Variants in CACNB2 observed in about 807,000 individuals in gnomAD.
The protein encoded by CACNB2 is calcium voltage-gated channel auxiliary subunit beta 2, also known as voltage-dependent L-type calcium channel subunit beta-2.
A neutral mutation model predicts 73.3 loss-of-function variants in CACNB2; 42 were observed. The observed-to-expected ratio is 0.57, with a 90% CI of 0.45 to 0.74. The LOEUF is 0.74. Ranked by LOEUF, CACNB2 falls within the 30% of genes least tolerant of loss-of-function variation. The pLI, the probability that CACNB2 is intolerant of heterozygous loss-of-function variation, is 0.00. For synonymous variants in CACNB2, 348 were observed against 310.3 expected (o/e 1.12, Z -1.28); for missense variants, 940 against 853.0 (o/e 1.10, Z -1.27).
intron 2 of CACNB2, among the ~76,000 whole-genome samples, chr10:18,237,824 A>G (rs1309804791): frequency 6.6e-6 from 1 of 152,214 alleles, no homozygotes; most frequent in African/African-American, 2.4e-5. Context: ...TATACCATAG[A>G]TGGAGTTGAG....
chr10:18,141,293 G>A (rs1156242626), intron 1 of CACNB2: 7 of 1,250,842 alleles, frequency 5.6e-6, no homozygotes, highest in Admixed American at 2.0e-5. Context: ...CACGCTCCGA[G>A]CCGGGGTGGG....
At chr10:18,463,952 C>A (rs926081249) in intron 3 of CACNB2, among the ~76,000 whole-genome samples, 4 of 152,098 alleles carry the variant, frequency 2.6e-5, no homozygotes, top group African/African-American at 7.2e-5. Context: ...CTCTCCTCTT[C>A]ATGTCCAGAT....
intron 2 of CACNB2, among the ~76,000 whole-genome samples, chr10:18,337,776 T>G (rs2132052653): frequency 6.6e-6 from 1 of 152,320 alleles, no homozygotes; most frequent in South Asian, 2.1e-4. Context: ...ATATAGTATT[T>G]CTGCATATTT....
At chr10:18,303,345 A>G (rs974047783) in intron 2 of CACNB2, among the ~76,000 whole-genome samples, 8 of 152,178 alleles carry the variant, frequency 5.3e-5, no homozygotes, top group African/African-American at 1.9e-4. Context: ...TCTGCAAATA[A>G]TAATTAAAAG....
At chr10:18,238,753 C>T (rs2036541129) in intron 2 of CACNB2, among the ~76,000 whole-genome samples, 1 of 152,276 alleles carries the variant, frequency 6.6e-6, no homozygotes, top group South Asian at 2.1e-4. Flanking sequence ...TATAACAGTG[C>T]TACAGTTTTA....
intron 2 of CACNB2, among the ~76,000 whole-genome samples, chr10:18,177,647 G>A (rs2033675882): frequency 6.6e-6 from 1 of 151,866 alleles, no homozygotes; most frequent in Non-Finnish European, 1.5e-5. Flanking sequence ...AGAAAAGGAG[G>A]ACAGGCAGGC....
intron 2 of CACNB2, among the ~76,000 whole-genome samples, chr10:18,378,933 G>A (rs2042908042): frequency 6.6e-6 from 1 of 152,122 alleles, no homozygotes; most frequent in Non-Finnish European, 1.5e-5. Flanking sequence ...TGCCAGCCCA[G>A]GGCTGTTCTA....
At chr10:18,327,255 A>T (rs921043718) in intron 2 of CACNB2, among the ~76,000 whole-genome samples, 2 of 152,190 alleles carry the variant, frequency 1.3e-5, no homozygotes, top group African/African-American at 4.8e-5. Flanking sequence ...AATTATATAA[A>T]GAACATGTTT....
At chr10:18,307,093 G>A (rs2039758373) in intron 2 of CACNB2, among the ~76,000 whole-genome samples, 1 of 151,782 alleles carries the variant, frequency 6.6e-6, no homozygotes, top group Non-Finnish European at 1.5e-5. Context: ...AGAGAAAATG[G>A]TGGAGAAAAA....
chr10:18,282,190 GGGCT>G (rs1053000869), intron 2 of CACNB2, among the ~76,000 whole-genome samples: 13 of 152,046 alleles, frequency 8.6e-5, no homozygotes, highest in African/African-American at 2.9e-4. Flanking sequence ...CCACATTTCT[GGGCT>G]GGCTGGTGAA....
chr10:18,144,391 C>T (rs936181789), intron 1 of CACNB2, among the ~76,000 whole-genome samples: 2 of 152,188 alleles, frequency 1.3e-5, no homozygotes, highest in South Asian at 2.1e-4. Flanking sequence ...AAAATGGATA[C>T]GTTTCTTACA....
At chr10:18,275,239 G>A (rs757754998) in intron 2 of CACNB2, among the ~76,000 whole-genome samples, 1 of 152,146 alleles carries the variant, frequency 6.6e-6, no homozygotes, top group Non-Finnish European at 1.5e-5. Context: ...ATAGACTTTC[G>A]TTTTCTGCCA....
chr10:18,476,488 C>T (rs1273862411), intron 3 of CACNB2, among the ~76,000 whole-genome samples: 2 of 152,070 alleles, frequency 1.3e-5, no homozygotes, highest in East Asian at 1.9e-4. Context: ...TTGGTATACA[C>T]GCTATGTAAA....
At position 18,152,709 on chromosome 10, in the gene CACNB2, C is replaced by CAAAAAAAAAAA. The variant is rs772732675; in HGVS notation, c.213+1747_213+1757dup. Among the ~76,000 whole-genome samples the CAAAAAAAAAAA allele has an allele frequency of 2.8e-3, 136 of 49,216 alleles. 2 individuals carry two copies. The highest frequency in any genetic ancestry group is 0.036 in the Middle Eastern group (2 of 56). 32.3% of individuals were successfully genotyped at this position (49,216 alleles called of 152,430 possible). A position where few individuals can be genotyped will look rare whatever the true frequency, so the allele number is the denominator to read the frequency against. On this transcript the variant is annotated intron_variant, in intron 2 of 13. Transcript: ENST00000324631. ...TCATCATGCAGGACCTGAAACAGAC[C>CAAAAAAAAAAA]AAAAAAAAAAAAAAAAAAAAAAACA...
At chr10:18,362,188 A>G (rs140948288) in intron 2 of CACNB2, among the ~76,000 whole-genome samples, 11 of 152,314 alleles carry the variant, frequency 7.2e-5, no homozygotes, top group Non-Finnish European at 1.5e-4. Context: ...GTGTTTTTGT[A>G]TACATGCATA....
intron 3 of CACNB2, among the ~76,000 whole-genome samples, chr10:18,453,552 G>A (rs143881369): frequency 0.011 from 1,625 of 152,290 alleles, 24 homozygotes; most frequent in African/African-American, 0.038. Context: ...ACTGCCGCTC[G>A]TATCACCCTG....
intron 2 of CACNB2, among the ~76,000 whole-genome samples, chr10:18,351,516 T>C (rs1001904115): frequency 6.6e-6 from 1 of 152,216 alleles, no homozygotes; most frequent in Non-Finnish European, 1.5e-5. Context: ...ATCCAGAAAT[T>C]TCAAAGCATT....
chr10:18,267,865 C>T (rs1210262326), intron 2 of CACNB2, among the ~76,000 whole-genome samples: 1 of 152,212 alleles, frequency 6.6e-6, no homozygotes, highest in Non-Finnish European at 1.5e-5. Flanking sequence ...ACTTCCGGGG[C>T]AGCGGCCCAG....
At chr10:18,436,115 T>C (rs1247106763) in intron 3 of CACNB2, among the ~76,000 whole-genome samples, 1 of 152,232 alleles carries the variant, frequency 6.6e-6, no homozygotes, top group Non-Finnish European at 1.5e-5. Context: ...TTTTAAAAGA[T>C]AAAAGTTGTT....
Sources: allele counts gnomAD v4.1 joint callset (sites outside exome capture counted in the v4.1 genomes callset), GRCh38; gene constraint gnomAD v4.1.1; transcripts MANE v1.5; gene names NCBI Gene and HGNC (gene_info 2026-07-23, HGNC 2026-07-21).